Variants in PRORP observed in about 807,000 individuals in gnomAD.
The protein encoded by PRORP is mitochondrial ribonuclease P catalytic subunit.
PRORP carries 51 observed loss-of-function variants against 59.4 expected under a neutral mutation model. That is an observed-to-expected ratio of 0.86 (90% CI 0.69 to 1.08). The LOEUF (loss-of-function observed/expected upper bound fraction) is 1.08. Among genes scored for constraint, PRORP ranks in the 50% least tolerant of loss-of-function variants. The probability of loss-of-function intolerance (pLI) is 0.00; values close to 1 mark genes in which losing one functional copy is unlikely to be tolerated. For missense variants in PRORP, 646 were observed against 690.3 expected, an observed-to-expected ratio of 0.94 and a Z score of 0.72; for synonymous variants, 231 against 245.6, an observed-to-expected ratio of 0.94 and a Z score of 0.55.
chr14:35,142,929 C>T (rs547317855), intron 4 of PRORP, among the ~76,000 whole-genome samples: 1 of 145,262 alleles, frequency 6.9e-6, no homozygotes, highest in South Asian at 2.3e-4. Flanking sequence ...GATCCTCTTG[C>T]CTTGGCTTCC....
intron 5 of PRORP, among the ~76,000 whole-genome samples, chr14:35,261,723 T>A (rs28736779): frequency 2.0e-5 from 3 of 151,544 alleles, no homozygotes; most frequent in Non-Finnish European, 4.4e-5. Flanking sequence ...AGCGAGACTC[T>A]GTCTCAAAAA....
intron 4 of PRORP, among the ~76,000 whole-genome samples, chr14:35,164,972 T>G (rs927163988): frequency 5.3e-5 from 8 of 152,298 alleles, no homozygotes; most frequent in African/African-American, 1.9e-4. Context: ...TCTCCCATTG[T>G]TTGCAGGTAC....
At chr14:35,214,489 G>A (rs1477136893) in intron 5 of PRORP, among the ~76,000 whole-genome samples, 23 of 152,184 alleles carry the variant, frequency 1.5e-4, no homozygotes, top group Admixed American at 1.5e-3. Context: ...GACAAATGCA[G>A]AGGTTGTGTG....
At chr14:35,237,432 A>G (rs1029718438) in intron 5 of PRORP, among the ~76,000 whole-genome samples, 4 of 151,414 alleles carry the variant, frequency 2.6e-5, no homozygotes, top group African/African-American at 9.7e-5. Context: ...TTCTTTTACC[A>G]TATCTTTCTC....
chr14:35,176,784 T>C (rs2048462649), intron 4 of PRORP, among the ~76,000 whole-genome samples: 1 of 152,166 alleles, frequency 6.6e-6, no homozygotes, highest in African/African-American at 2.4e-5. Flanking sequence ...CTATGTTGAA[T>C]AGAAGTGGTG....
At chr14:35,188,961 A>AAAAATAAAG in intron 5 of PRORP, among the ~76,000 whole-genome samples, 1 of 132,768 alleles carries the variant, frequency 7.5e-6, no homozygotes, top group African/African-American at 2.8e-5. Flanking sequence ...AAAAAAAAAA[A>AAAAATAAAG]AAAGTATTGC....
chr14:35,184,287 A>T (rs1212896103), intron 5 of PRORP, among the ~76,000 whole-genome samples: 1 of 152,108 alleles, frequency 6.6e-6, no homozygotes, highest in Non-Finnish European at 1.5e-5. Flanking sequence ...CTAGTTGTAA[A>T]TGTATTTTAT....
chr14:35,163,610 G>T (rs972106818), intron 4 of PRORP, among the ~76,000 whole-genome samples: 4 of 152,064 alleles, frequency 2.6e-5, no homozygotes, highest in East Asian at 3.9e-4. Flanking sequence ...TTTTAATGGG[G>T]TTATTTGTTT....
At chr14:35,195,031 T>C (rs934816208) in intron 5 of PRORP, among the ~76,000 whole-genome samples, 7 of 152,174 alleles carry the variant, frequency 4.6e-5, no homozygotes, top group African/African-American at 1.7e-4. Flanking sequence ...ATGAAACTTA[T>C]ATTTGAACAG....
chr14:35,245,960 C>T (rs1239944044), intron 5 of PRORP, among the ~76,000 whole-genome samples: 1 of 152,074 alleles, frequency 6.6e-6, no homozygotes. Context: ...TTATATTATT[C>T]TTACACATGA....
intron 5 of PRORP, among the ~76,000 whole-genome samples, chr14:35,192,119 C>T (rs1373987627): frequency 6.6e-6 from 1 of 152,160 alleles, no homozygotes; most frequent in East Asian, 1.9e-4. Flanking sequence ...ATTATCTGGT[C>T]TTTGCCTCTC....
In PRORP at chr14:35,158,842, A is replaced by G. The variant is rs544524652; in HGVS notation, c.1168-21828A>G. The G allele has an allele frequency of 1.2e-4, 36 of 306,794 alleles. 1 individual carries two copies. In the South Asian group the frequency reaches 1.2e-3, roughly 10 times the overall value. 19.0% of individuals were successfully genotyped at this position (306,794 alleles called of 1,614,324 possible). A position where few individuals can be genotyped will look rare whatever the true frequency, so the allele number is the denominator to read the frequency against. ...CTTTTTAGTAATAATTCTATGAGAA[A>G]GACTTGGATATTCTGGAGAATGCAA... On this transcript the variant is annotated intron_variant, in intron 4 of 7. Transcript: ENST00000534898.
chr14:35,263,522 A>G (rs1310176294), intron 5 of PRORP, among the ~76,000 whole-genome samples: 2 of 145,944 alleles, frequency 1.4e-5, no homozygotes, highest in Non-Finnish European at 3.0e-5. Context: ...CTCCGTCTCT[A>G]CTAAAAATAC....
chr14:35,165,313 A>G (rs924951699), intron 4 of PRORP, among the ~76,000 whole-genome samples: 3 of 152,056 alleles, frequency 2.0e-5, no homozygotes, highest in African/African-American at 7.2e-5. Flanking sequence ...GCTCTGAGGG[A>G]TAGTACAAGA....
At chr14:35,197,224 T>C (rs1370027692) in intron 5 of PRORP, among the ~76,000 whole-genome samples, 1 of 152,176 alleles carries the variant, frequency 6.6e-6, no homozygotes, top group Non-Finnish European at 1.5e-5. Context: ...GATTGTCTCG[T>C]GAGTCATTAT....
chr14:35,169,217 A>T (rs1213435981), intron 4 of PRORP, among the ~76,000 whole-genome samples: 1 of 151,042 alleles, frequency 6.6e-6, no homozygotes, highest in Admixed American at 6.6e-5. Flanking sequence ...TCCCTTTGTA[A>T]TTTTTTTGAC....
In PRORP at chr14:35,127,587, CCAGTACAGAAAGACAACACCT is replaced by C; in HGVS notation, c.1147_1167del (p.Tyr383_Gln389del). The C allele has an allele frequency of 6.2e-7, 1 of 1,613,846 alleles. No individual in the cohort carries two copies. Among genetic ancestry groups the C allele is most frequent in the South Asian group, 1.1e-5 (1 of 91,072 alleles). ...TGAGGGATGTGATAGATGGAGGTGA[CCAGTACAGAAAGACAACACCT>C]CAGGTGAGTCTAACAAGTTTTATTT... On this transcript the variant is annotated inframe_deletion, in exon 4 of 8. Coordinates refer to ENST00000534898, the MANE Select transcript of PRORP (RefSeq NM_014672.4).
intron 5 of PRORP, among the ~76,000 whole-genome samples, chr14:35,185,135 C>T (rs2048712533): frequency 6.6e-6 from 1 of 152,140 alleles, no homozygotes; most frequent in African/African-American, 2.4e-5. Context: ...TTTACACTCC[C>T]ACCAACAGTG....
At chr14:35,214,384 G>A (rs930006132) in intron 5 of PRORP, among the ~76,000 whole-genome samples, 21 of 152,112 alleles carry the variant, frequency 1.4e-4, no homozygotes, top group African/African-American at 5.1e-4. Context: ...CAAATATTGA[G>A]TGTATTCTCA....
Sources: allele counts gnomAD v4.1 joint callset (sites outside exome capture counted in the v4.1 genomes callset), GRCh38; gene constraint gnomAD v4.1.1; transcripts MANE v1.5; gene names NCBI Gene and HGNC (gene_info 2026-07-23, HGNC 2026-07-21).